KIF24: variants seen among roughly 807,000 people sequenced by gnomAD.
The protein encoded by KIF24 is kinesin family member 24.
Under a neutral mutation model 118.9 loss-of-function variants are expected in KIF24, and 81 were observed. The observed-to-expected ratio is 0.68, with a 90% confidence interval of 0.57 to 0.82. The LOEUF is 0.82. Among genes scored for constraint, KIF24 ranks in the 40% least tolerant of loss-of-function variants. KIF24 has a pLI of 0.00. For synonymous variants in KIF24, 599 were observed against 610.0 expected (o/e 0.98, Z 0.27); for missense variants, 1,560 against 1,661.6 (o/e 0.94, Z 1.06).
chr9:34,252,666 A>ACTT lies in KIF24; in HGVS notation c.*1711_*1713dup, dbSNP rs950903138. On this transcript the variant is annotated 3_prime_UTR_variant, in exon 13 of 13. Transcript: ENST00000402558. ...TTTTCTATTTCGGAGCTTTCTTCCC[A>ACTT]CTTCAGACCTGTCCTCGTTTTTGGT... 90 of 152,258 alleles carry ACTT rather than the reference A, an allele frequency of 5.9e-4. 1 individual carries two copies. Among genetic ancestry groups the ACTT allele is most frequent in the African/African-American group, 2.1e-3 (87 of 41,526 alleles). 9.4% of individuals were successfully genotyped at this position (152,258 alleles called of 1,614,324 possible). A position where few individuals can be genotyped will look rare whatever the true frequency, so the allele number is the denominator to read the frequency against.
chr9:34,254,351 C>A lies in KIF24; in HGVS notation c.*29G>T, dbSNP rs779248029. 6.3e-7 allele frequency: 1 copy of A among 1,592,854 alleles called. No individual in the cohort carries two copies. Among genetic ancestry groups the A allele is most frequent in the Admixed American group, 1.7e-5 (1 of 57,282 alleles). On this transcript the variant is annotated 3_prime_UTR_variant, in exon 13 of 13. Coordinates refer to ENST00000402558, the MANE Select transcript of KIF24 (RefSeq NM_194313.4). The stretch of plus-strand genomic sequence containing the variant: ...GAGCCCAGCACAGACTCCTGCAGGG[C>A]CCCCACCATCTCGGCACAGGGTCTG...
chr9:34,305,326 T>C (rs1203996436), intron 3 of KIF24, among the ~76,000 whole-genome samples: 2 of 152,238 alleles, frequency 1.3e-5, no homozygotes, highest in African/African-American at 4.8e-5. Flanking sequence ...CCCACTGCAA[T>C]CTACCCTGTA....
At chr9:34,306,188 A>C (rs1199433339) in intron 3 of KIF24, 64 bp downstream of exon 3, 1 of 1,198,542 alleles carries the variant, frequency 8.3e-7, no homozygotes, top group Non-Finnish European at 1.2e-6. Flanking sequence ...CACTCAAACA[A>C]AAAGCAAAAA....
At chr9:34,277,499 C>A (rs1047879111) in intron 6 of KIF24, among the ~76,000 whole-genome samples, 16 of 152,100 alleles carry the variant, frequency 1.1e-4, no homozygotes, top group African/African-American at 3.6e-4. Context: ...ACAGGAAATG[C>A]AAAGGGCGGC....
chr9:34,324,072 T>C (rs1837601247), intron 1 of KIF24, among the ~76,000 whole-genome samples: 1 of 152,198 alleles, frequency 6.6e-6, no homozygotes. Flanking sequence ...CCACCCCTCA[T>C]TGCTGGTGAA....
At chr9:34,296,312 G>A (rs1836474835) in intron 4 of KIF24, among the ~76,000 whole-genome samples, 4 of 150,156 alleles carry the variant, frequency 2.7e-5, no homozygotes, top group Admixed American at 6.7e-5. Context: ...GGATCACGAG[G>A]TCAGGAGATG....
intron 10 of KIF24, among the ~76,000 whole-genome samples, chr9:34,259,273 G>A (rs1213010560): frequency 6.6e-6 from 1 of 152,178 alleles, no homozygotes; most frequent in Non-Finnish European, 1.5e-5. Flanking sequence ...AAACAACACT[G>A]AGCCTTCCAC....
chr9:34,256,659 T>C lies in KIF24; in HGVS notation c.2948A>G (p.Asp983Gly). 1 of 1,613,992 alleles carries C rather than the reference T, an allele frequency of 6.2e-7. No individual in the cohort carries two copies. Residue 983 changes from aspartate to glycine, a missense_variant, in exon 11 of 13, where the codon GAT becomes GGT. Physicochemically the swap from Asp to Gly is moderately conservative, Grantham distance 94. This residue lies in a region of KIF24 where 591 missense variants were observed against 655.6 expected (regional missense o/e 0.90). Coordinates refer to ENST00000402558, the MANE Select transcript of KIF24 (RefSeq NM_194313.4). ...GTGGGACAATGAGATAGTGAAACCA[T>C]CTTCCTCTGGGGATGGCAAGTTGCC... ...NEGNLPSPEE[D>G]GFTISLSHVA...
chr9:34,306,387 A>G lies in KIF24; in HGVS notation c.678T>C (p.Val226=). ...NPWTEMEKIR[V]CVRKRPLGMR... Reference sequence around the variant, plus strand: ...TGCCCAGGGGGCGTTTTCGAACACAAACTCTGATTTTCTCCATCTCAGTCC... The same window carrying G: ...TGCCCAGGGGGCGTTTTCGAACACAGACTCTGATTTTCTCCATCTCAGTCC... Residue 226 remains valine, a synonymous_variant, in exon 3 of 13, where the codon GTT becomes GTC. Coordinates refer to ENST00000402558, the MANE Select transcript of KIF24 (RefSeq NM_194313.4). 6.2e-7 allele frequency: 1 copy of G among 1,612,950 alleles called. No individual in the cohort carries two copies. Among genetic ancestry groups the G allele is most frequent in the Non-Finnish European group, 8.5e-7 (1 of 1,179,374 alleles).
intron 1 of KIF24, among the ~76,000 whole-genome samples, chr9:34,311,779 CAT>C (rs1421567722): frequency 5.4e-5 from 8 of 147,796 alleles, no homozygotes; most frequent in Non-Finnish European, 7.5e-5. Flanking sequence ...TATATATACA[CAT>C]ATATATACAC....
intron 1 of KIF24, among the ~76,000 whole-genome samples, chr9:34,313,314 T>C (rs1837228715): frequency 6.6e-6 from 1 of 152,016 alleles, no homozygotes; most frequent in Non-Finnish European, 1.5e-5. Context: ...ACAACCCAAA[T>C]ATCTGGGCAA....
chr9:34,287,074 T>C (rs1233250897), intron 5 of KIF24, among the ~76,000 whole-genome samples: 3 of 152,178 alleles, frequency 2.0e-5, no homozygotes, highest in Non-Finnish European at 4.4e-5. Context: ...GGTGAAGTGA[T>C]GCTCTCTCTC....
At chr9:34,304,984 T>C (rs1315305887) in intron 3 of KIF24, among the ~76,000 whole-genome samples, 5 of 152,206 alleles carry the variant, frequency 3.3e-5, no homozygotes, top group Non-Finnish European at 5.9e-5. Context: ...TTTAGGGAAG[T>C]AGATTCAGAG....
At chr9:34,319,587 A>C (rs1837448910) in intron 1 of KIF24, 1 of 1,006,678 alleles carries the variant, frequency 9.9e-7, no homozygotes, top group African/African-American at 1.6e-5. Context: ...GGACACCCAG[A>C]GCGGCTCCCT....
At chr9:34,258,957 T>G (rs1363004135) in intron 10 of KIF24, among the ~76,000 whole-genome samples, 4 of 152,116 alleles carry the variant, frequency 2.6e-5, no homozygotes, top group Non-Finnish European at 5.9e-5. Flanking sequence ...TTCTTCCCAG[T>G]CATGGCAATC....
intron 3 of KIF24, among the ~76,000 whole-genome samples, chr9:34,300,953 C>A (rs1223043372): frequency 6.6e-6 from 1 of 151,306 alleles, no homozygotes; most frequent in Non-Finnish European, 1.5e-5. Flanking sequence ...TTCTGTCTCT[C>A]CTTCTAAAAG....
chr9:34,320,134 C>T (rs758830051), intron 1 of KIF24, among the ~76,000 whole-genome samples: 2 of 152,008 alleles, frequency 1.3e-5, no homozygotes, highest in African/African-American at 2.4e-5. Context: ...ATGACCTGGC[C>T]CCATTGAGGC....
At chr9:34,301,994 T>TCTTC (rs1554665236) in intron 3 of KIF24, among the ~76,000 whole-genome samples, 12 of 123,020 alleles carry the variant, frequency 9.8e-5, no homozygotes, top group Non-Finnish European at 7.8e-5. Context: ...TGTATTTTTT[T>TCTTC]TTCTTTTTTT....
At chr9:34,268,142 G>C (rs1298789333) in intron 8 of KIF24, among the ~76,000 whole-genome samples, 1 of 152,090 alleles carries the variant, frequency 6.6e-6, no homozygotes, top group East Asian at 1.9e-4. Context: ...ACATTAAAAA[G>C]TATCTCTTTG....
Sources: gnomAD v4.1 joint callset for allele counts (sites outside exome capture counted in the v4.1 genomes callset) on GRCh38, gnomAD v4.1.1 for gene constraint, gnomAD v4.1.1 regional missense constraint, MANE v1.5 for transcripts, NCBI Gene and HGNC (gene_info 2026-07-23, HGNC 2026-07-21) for gene names.